The following GLIS3 variants were observed in gnomAD, a reference collection of about 807,000 sequenced individuals.
GLIS3 encodes the protein GLIS family zinc finger 3.
Under a neutral mutation model 78.6 loss-of-function variants are expected in GLIS3, and 53 were observed. The ratio of observed to expected loss-of-function variants is 0.67; its 90% CI spans 0.54 to 0.85. GLIS3 has a LOEUF of 0.85. Ranked by LOEUF, GLIS3 falls within the 40% of genes least tolerant of loss-of-function variation. The probability of loss-of-function intolerance (pLI) is 0.00; values close to 1 mark genes in which losing one functional copy is unlikely to be tolerated. For synonymous variants in GLIS3, 684 were observed against 509.9 expected (o/e 1.34, Z -4.60); for missense variants, 1,703 against 1,231.1 (o/e 1.38, Z -5.74).
At chr9:4,450,012 A>C in the GLIS3 span, among the ~76,000 whole-genome samples, 4 of 152,182 alleles carry the variant, frequency 2.6e-5, no homozygotes. Context: ...TAGCTGACAG[A>C]AGTATGCTTC....
chr9:4,320,476 C>G (rs1431708477), intron 2 of GLIS3, among the ~76,000 whole-genome samples: 3 of 152,212 alleles, frequency 2.0e-5, no homozygotes, highest in Admixed American at 6.5e-5. Context: ...TTATCCTTCA[C>G]ACCTTTCTCT....
intron 2 of GLIS3, among the ~76,000 whole-genome samples, chr9:4,250,898 C>A (rs552682363): frequency 7.9e-5 from 12 of 152,246 alleles, no homozygotes; most frequent in African/African-American, 2.6e-4. Flanking sequence ...GCAGGTTGTT[C>A]AGTTTCTATG....
At chr9:4,360,943 C>G in the GLIS3 span, among the ~76,000 whole-genome samples, 1 of 152,208 alleles carries the variant, frequency 6.6e-6, no homozygotes, top group Non-Finnish European at 1.5e-5. Flanking sequence ...TCCACAATAG[C>G]CAGCCTCCAA....
chr9:4,199,055 A>G (rs934782009), intron 2 of GLIS3, among the ~76,000 whole-genome samples: 1 of 152,236 alleles, frequency 6.6e-6, no homozygotes, highest in Non-Finnish European at 1.5e-5. Context: ...CAAGATAACC[A>G]TAAGAGAGTT....
intron 2 of GLIS3, among the ~76,000 whole-genome samples, chr9:4,259,532 AACTC>A (rs1825311246): frequency 1.3e-5 from 2 of 152,086 alleles, no homozygotes; most frequent in Non-Finnish European, 1.5e-5. Context: ...AGCTGTTGAC[AACTC>A]ACTAACTCCC....
intron 4 of GLIS3, among the ~76,000 whole-genome samples, chr9:3,996,578 A>G (rs1042150153): frequency 4.4e-4 from 67 of 152,340 alleles, no homozygotes; most frequent in African/African-American, 1.5e-3. Context: ...GAAATTCATA[A>G]CCTGATATGG....
the GLIS3 span, among the ~76,000 whole-genome samples, chr9:4,429,688 T>C: frequency 6.6e-6 from 1 of 152,124 alleles, no homozygotes; most frequent in Non-Finnish European, 1.5e-5. Flanking sequence ...AGAGACTGAG[T>C]CTGTTTTCAC....
At chr9:4,460,229 G>A in the GLIS3 span, among the ~76,000 whole-genome samples, 3 of 151,832 alleles carry the variant, frequency 2.0e-5, no homozygotes, top group Admixed American at 2.0e-4. Context: ...GGAGAAAGGG[G>A]GCAATTCCTA....
the GLIS3 span, among the ~76,000 whole-genome samples, chr9:4,454,707 T>C: frequency 1.3e-5 from 2 of 152,214 alleles, no homozygotes; most frequent in African/African-American, 4.8e-5. Flanking sequence ...TTTTGCCCTC[T>C]TCTGGTCTAT....
At chr9:4,172,374 C>G (rs1723850303) in intron 2 of GLIS3, among the ~76,000 whole-genome samples, 1 of 152,094 alleles carries the variant, frequency 6.6e-6, no homozygotes, top group South Asian at 2.1e-4. Context: ...CACTAGGTCT[C>G]CATACTGAGT....
At chr9:3,845,847 C>A (rs1279856437) in intron 9 of GLIS3, among the ~76,000 whole-genome samples, 1 of 152,174 alleles carries the variant, frequency 6.6e-6, no homozygotes, top group Non-Finnish European at 1.5e-5. Flanking sequence ...GGCTTAATAG[C>A]AGCATTGCAG....
intron 2 of GLIS3, among the ~76,000 whole-genome samples, chr9:4,265,936 G>GTTTT (rs56341848): frequency 0.69 from 102,980 of 148,992 alleles, 35,944 homozygotes; most frequent in South Asian, 0.75. Flanking sequence ...TTGTTTGTTT[G>GTTTT]GAGACGGAGT....
At chr9:4,017,435 C>G (rs1029607238) in intron 4 of GLIS3, among the ~76,000 whole-genome samples, 1 of 152,082 alleles carries the variant, frequency 6.6e-6, no homozygotes, top group African/African-American at 2.4e-5. Context: ...TGGAAGCTTG[C>G]GTGCACACAC....
intron 2 of GLIS3, among the ~76,000 whole-genome samples, chr9:4,143,048 G>GA (rs1294659482): frequency 6.6e-6 from 1 of 151,762 alleles, no homozygotes; most frequent in Non-Finnish European, 1.5e-5. Flanking sequence ...AAAATATCCA[G>GA]AAAAAAAGAA....
chr9:4,474,414 G>C, the GLIS3 span, among the ~76,000 whole-genome samples: 311 of 152,180 alleles, frequency 2.0e-3, 2 homozygotes, highest in African/African-American at 7.0e-3. Flanking sequence ...AGAAACAGAC[G>C]CACACATATA....
At chr9:4,212,944 G>A (rs1820500863) in intron 2 of GLIS3, among the ~76,000 whole-genome samples, 1 of 152,174 alleles carries the variant, frequency 6.6e-6, no homozygotes, top group Non-Finnish European at 1.5e-5. Flanking sequence ...GGGTTTGCTG[G>A]AGATGAATGG....
chr9:4,140,257 A>C (rs1357527865), intron 2 of GLIS3, among the ~76,000 whole-genome samples: 1 of 152,092 alleles, frequency 6.6e-6, no homozygotes, highest in Non-Finnish European at 1.5e-5. Flanking sequence ...CTGGGAGGTC[A>C]AGGCTGCAGT....
the GLIS3 span, among the ~76,000 whole-genome samples, chr9:4,484,250 T>TTA: frequency 6.7e-6 from 1 of 150,184 alleles, no homozygotes; most frequent in Non-Finnish European, 1.5e-5. Flanking sequence ...TTTTTTTTAT[T>TTA]TTTTTGAGAC....
intron 2 of GLIS3, among the ~76,000 whole-genome samples, chr9:4,206,945 T>C (rs1228798227): frequency 1.3e-5 from 2 of 152,206 alleles, no homozygotes; most frequent in African/African-American, 4.8e-5. Flanking sequence ...AACTGCTTAA[T>C]ATCCTTATTT....
Sources: allele counts gnomAD v4.1 joint callset (sites outside exome capture counted in the v4.1 genomes callset), GRCh38; gene constraint gnomAD v4.1.1; transcripts MANE v1.5; gene names NCBI Gene and HGNC (gene_info 2026-07-23, HGNC 2026-07-21).